Variants in SORCS2 observed in about 807,000 individuals in gnomAD.
The protein encoded by SORCS2 is VPS10 domain-containing receptor SorCS2.
Under a neutral mutation model 141.6 loss-of-function variants are expected in SORCS2, and 100 were observed. The ratio of observed to expected loss-of-function variants is 0.71; its 90% confidence interval spans 0.60 to 0.83. The LOEUF (loss-of-function observed/expected upper bound fraction) is 0.83, where lower values mean the gene tolerates loss of function less well. Among genes scored for constraint, SORCS2 ranks in the 40% least tolerant of loss-of-function variants. The pLI is 0.00. For missense variants in SORCS2, 1,646 were observed against 1,560.2 expected, an observed-to-expected ratio of 1.05 and a Z score of -0.93; for synonymous variants, 789 against 676.9, an observed-to-expected ratio of 1.17 and a Z score of -2.57.
chr4:7,250,673 T>C lies in SORCS2; in HGVS notation c.480+57547T>C, dbSNP rs568007130. The stretch of plus-strand genomic sequence containing the variant: ...ACTCAACCGGCCTTGGGGTCTTTCA[T>C]GTATTCGGGGAGTGCGAGGTGTCAG... On this transcript the variant is annotated intron_variant, in intron 1 of 26. Coordinates refer to ENST00000507866, the MANE Select transcript of SORCS2 (RefSeq NM_020777.3). 1.1e-4 allele frequency among the ~76,000 whole-genome samples: 17 copies of C among 152,338 alleles called. No individual in the cohort carries two copies. In the East Asian group the frequency reaches 3.1e-3, roughly 28 times the overall value.
chr4:7,222,076 A>T (rs1280591862), intron 1 of SORCS2, among the ~76,000 whole-genome samples: 1 of 152,170 alleles, frequency 6.6e-6, no homozygotes, highest in Non-Finnish European at 1.5e-5. Flanking sequence ...ACAAGGGGAA[A>T]GGGCGTTTTG....
chr4:7,710,565 G>T (rs1031804194), intron 14 of SORCS2, among the ~76,000 whole-genome samples: 1 of 152,188 alleles, frequency 6.6e-6, no homozygotes, highest in African/African-American at 2.4e-5. Flanking sequence ...AATGCCCCAG[G>T]CATTGTTTGG....
chr4:7,442,771 C>G (rs1412715511), intron 2 of SORCS2, among the ~76,000 whole-genome samples: 1 of 151,534 alleles, frequency 6.6e-6, no homozygotes, highest in Non-Finnish European at 1.5e-5. Flanking sequence ...TGCCCTGGAA[C>G]TCATGTGAAC....
rs544548978 is a variant in SORCS2, at chr4:7,440,169, A to G, written c.548+43814A>G. ...GCAAGGTATTCACATTTTCTCCCCAAGTAAAGACGAGCCTGGCCACAATGG... is the reference window on the plus strand; with the variant it reads ...GCAAGGTATTCACATTTTCTCCCCAGGTAAAGACGAGCCTGGCCACAATGG... On this transcript the variant is annotated intron_variant, in intron 2 of 26. Coordinates refer to ENST00000507866, the MANE Select transcript of SORCS2 (RefSeq NM_020777.3). 6.1e-4 allele frequency among the ~76,000 whole-genome samples: 93 copies of G among 152,298 alleles called. 1 individual carries two copies. The highest frequency in any genetic ancestry group is 2.0e-3 in the African/African-American group (82 of 41,546).
In SORCS2 at chr4:7,193,030, G is replaced by A. The variant is rs745455901; in HGVS notation, c.384G>A (p.Ser128=). 1 of 1,506,324 alleles carries A rather than the reference G, an allele frequency of 6.6e-7. No individual in the cohort carries two copies. The highest frequency in any genetic ancestry group is 8.8e-7 in the Non-Finnish European group (1 of 1,137,200). The allele number at this position is 1,506,324 out of a possible 1,614,324, so 93.3% of individuals were successfully genotyped here. Residue 128 remains serine, a synonymous_variant, in exon 1 of 27, where the codon TCG becomes TCA. Transcript: ENST00000507866. The surrounding 1 kb of genome is among the most constrained non-coding windows in gnomAD (Gnocchi z 4.8). ...ERAAPLAGVA[S]RAQVSLISTS... ...CGGCGCCGCTGGCCGGAGTGGCTTC[G>A]CGGGCGCAGGTCTCGCTCATCAGCA...
intron 1 of SORCS2, among the ~76,000 whole-genome samples, chr4:7,229,401 G>A (rs1711656206): frequency 6.6e-6 from 1 of 152,136 alleles, no homozygotes; most frequent in African/African-American, 2.4e-5. Context: ...GAGGGTCTAA[G>A]GACTCCATCC....
chr4:7,542,807 T>A (rs756533091), intron 3 of SORCS2, among the ~76,000 whole-genome samples: 29 of 152,150 alleles, frequency 1.9e-4, no homozygotes, highest in Non-Finnish European at 2.6e-4. Flanking sequence ...AGGGGCTGAG[T>A]AATTTGCTCA....
intron 1 of SORCS2, among the ~76,000 whole-genome samples, chr4:7,344,755 G>C (rs1560207864): frequency 1.3e-5 from 2 of 152,288 alleles, no homozygotes; most frequent in South Asian, 4.1e-4. Context: ...GGGGACTGAG[G>C]CCTAAATGGG....
chr4:7,276,477 C>T (rs1715510163), intron 1 of SORCS2, among the ~76,000 whole-genome samples: 1 of 152,198 alleles, frequency 6.6e-6, no homozygotes, highest in Admixed American at 6.5e-5. Flanking sequence ...CAAGCCATCT[C>T]TTCCTGGCCA....
intron 1 of SORCS2, among the ~76,000 whole-genome samples, chr4:7,221,174 A>G (rs1728682020): frequency 1.3e-5 from 2 of 152,114 alleles, no homozygotes; most frequent in Admixed American, 6.5e-5. Context: ...TTGTGGGCAA[A>G]TATTATCACC....
intron 1 of SORCS2, among the ~76,000 whole-genome samples, chr4:7,266,584 T>G (rs997514478): frequency 3.3e-5 from 5 of 152,184 alleles, no homozygotes; most frequent in Non-Finnish European, 1.5e-5. Flanking sequence ...CCACAGCCTG[T>G]TAGCTGTGAG....
At chr4:7,368,891 C>G (rs548876879) in intron 1 of SORCS2, among the ~76,000 whole-genome samples, 3 of 152,140 alleles carry the variant, frequency 2.0e-5, no homozygotes, top group African/African-American at 4.8e-5. Flanking sequence ...GAGAGTCTCA[C>G]GAGATCTGAT....
chr4:7,332,767 A>G (rs995586950), intron 1 of SORCS2, among the ~76,000 whole-genome samples: 2 of 152,198 alleles, frequency 1.3e-5, no homozygotes, highest in African/African-American at 4.8e-5. Context: ...CCTGTGGATG[A>G]CATGACCTCA....
chr4:7,440,815 C>T (rs555299183), intron 2 of SORCS2, among the ~76,000 whole-genome samples: 27 of 152,306 alleles, frequency 1.8e-4, no homozygotes, highest in African/African-American at 6.0e-4. Flanking sequence ...GTGGGCATCA[C>T]GGGTCACTCA....
chr4:7,273,297 A>G (rs1273069592), intron 1 of SORCS2, among the ~76,000 whole-genome samples: 2 of 152,190 alleles, frequency 1.3e-5, no homozygotes, highest in African/African-American at 4.8e-5. Context: ...TGGAGAGAAG[A>G]AAATCTAGCC....
intron 2 of SORCS2, among the ~76,000 whole-genome samples, chr4:7,513,226 C>T (rs148486999): frequency 1.3e-3 from 197 of 152,324 alleles, no homozygotes; most frequent in Non-Finnish European, 1.7e-3. Context: ...CAGAAAATAC[C>T]GTGCGCTACA....
intron 11 of SORCS2, among the ~76,000 whole-genome samples, chr4:7,692,965 A>G (rs1424614402): frequency 1.3e-5 from 2 of 152,168 alleles, no homozygotes; most frequent in Non-Finnish European, 2.9e-5. Flanking sequence ...TACTAATAGA[A>G]GGGGATGGAT....
intron 3 of SORCS2, among the ~76,000 whole-genome samples, chr4:7,559,785 C>T (rs1714400787): frequency 6.6e-6 from 1 of 152,242 alleles, no homozygotes; most frequent in Non-Finnish European, 1.5e-5. Flanking sequence ...ACAAGATGAA[C>T]AAACGGCTCT....
intron 1 of SORCS2, among the ~76,000 whole-genome samples, chr4:7,389,566 T>A (rs1049447848): frequency 2.0e-5 from 3 of 152,158 alleles, no homozygotes; most frequent in African/African-American, 7.2e-5. Context: ...CAATGATCAT[T>A]CTGACACTCC....
Sources: allele counts gnomAD v4.1 joint callset (sites outside exome capture counted in the v4.1 genomes callset), GRCh38; gene constraint gnomAD v4.1.1; non-coding constraint Gnocchi (gnomAD v3.1); transcripts MANE v1.5; gene names NCBI Gene and HGNC (gene_info 2026-07-23, HGNC 2026-07-21).